TNS3: variants seen among roughly 807,000 people sequenced by gnomAD.
TNS3 encodes tensin 3.
A neutral mutation model predicts 140.9 loss-of-function variants in TNS3; 45 were observed. That is an observed-to-expected ratio of 0.32 (90% CI 0.25 to 0.41). The LOEUF (loss-of-function observed/expected upper bound fraction) is 0.41, where lower values mean the gene tolerates loss of function less well. Ranked by LOEUF, TNS3 falls within the 10% of genes least tolerant of loss-of-function variation. TNS3 has a pLI of 1.00. For missense variants in TNS3, 1,716 were observed against 1,906.7 expected, an observed-to-expected ratio of 0.90 and a Z score of 1.86; for synonymous variants, 815 against 788.4, an observed-to-expected ratio of 1.03 and a Z score of -0.56.
chr7:47,419,441 C>T (rs1794255998), intron 10 of TNS3, among the ~76,000 whole-genome samples: 1 of 152,208 alleles, frequency 6.6e-6, no homozygotes, highest in Admixed American at 6.5e-5. Flanking sequence ...GTAACCAACC[C>T]CCATCTTGCC....
intron 8 of TNS3, 152 bp from the exon 9 acceptor site, chr7:47,428,528 T>A: frequency 2.0e-6 from 1 of 502,008 alleles, no homozygotes; most frequent in Non-Finnish European, 3.2e-6. Flanking sequence ...TCTGGGAAAG[T>A]CAGTACCCAG....
At chr7:47,469,437 T>G (rs922963592) in intron 4 of TNS3, among the ~76,000 whole-genome samples, 6 of 152,192 alleles carry the variant, frequency 3.9e-5, no homozygotes, top group African/African-American at 1.4e-4. Flanking sequence ...AAGGAATGCT[T>G]GTACACTGCT....
At chr7:47,316,145 T>C (rs1482354907) in intron 20 of TNS3, among the ~76,000 whole-genome samples, 1 of 140,066 alleles carries the variant, frequency 7.1e-6, no homozygotes, top group Non-Finnish European at 1.5e-5. Flanking sequence ...TCTCTCTCTC[T>C]CCATTCTTTC....
chr7:47,352,084 C>T (rs1005662867), intron 17 of TNS3, among the ~76,000 whole-genome samples: 1 of 138,052 alleles, frequency 7.2e-6, no homozygotes, highest in Non-Finnish European at 1.6e-5. Flanking sequence ...CTTACACCCA[C>T]GTCACACACA....
chr7:47,293,638 A>G (rs1785836519), intron 25 of TNS3, 95 bp downstream of exon 25: 2 of 1,068,548 alleles, frequency 1.9e-6, no homozygotes, highest in Admixed American at 1.7e-5. Flanking sequence ...GTAAACCACC[A>G]TAAGAGTGAT....
At chr7:47,392,165 G>A (rs1792557945) in intron 16 of TNS3, among the ~76,000 whole-genome samples, 1 of 151,682 alleles carries the variant, frequency 6.6e-6, no homozygotes, top group Admixed American at 6.6e-5. Context: ...CTACCCCAGG[G>A]AACACTGACA....
At chr7:47,509,457 G>T (rs1045178516) in intron 2 of TNS3, among the ~76,000 whole-genome samples, 1 of 152,142 alleles carries the variant, frequency 6.6e-6, no homozygotes, top group Non-Finnish European at 1.5e-5. Flanking sequence ...CAGTGTACAA[G>T]ATACTTTCCC....
At chr7:47,392,099 G>A (rs938498528) in intron 16 of TNS3, among the ~76,000 whole-genome samples, 9 of 152,142 alleles carry the variant, frequency 5.9e-5, no homozygotes, top group Non-Finnish European at 1.3e-4. Flanking sequence ...GAGGCTTCCG[G>A]CAGGCAGCCA....
chr7:47,431,714 T>TA (rs1794940436), intron 8 of TNS3, among the ~76,000 whole-genome samples: 1 of 152,046 alleles, frequency 6.6e-6, no homozygotes, highest in African/African-American at 2.4e-5. Flanking sequence ...AAGGAGAGAC[T>TA]AGAAAAACAA....
In TNS3 at chr7:47,381,417, C is replaced by T. The variant is rs527341415; in HGVS notation, c.1025-11796G>A. ...TTCATCTCAGCCTCATTACATTCAA[C>T]GTAGGTGGGCTTCAGACAGTGGCTT... On this transcript the variant is annotated intron_variant, in intron 16 of 30. Coordinates refer to ENST00000311160, the MANE Select transcript of TNS3 (RefSeq NM_022748.12). Among the ~76,000 whole-genome samples the T allele has an allele frequency of 9.8e-5, 15 of 152,310 alleles. No homozygotes were observed. In the South Asian group the frequency reaches 2.1e-3, roughly 21 times the overall value.
chr7:47,425,676 T>C (rs555362158), intron 9 of TNS3, among the ~76,000 whole-genome samples: 17 of 152,278 alleles, frequency 1.1e-4, no homozygotes, highest in African/African-American at 4.1e-4. Flanking sequence ...TTTTCTGAAA[T>C]TTACTTGTTT....
chr7:47,479,993 G>A (rs1414100560), intron 4 of TNS3, among the ~76,000 whole-genome samples: 1 of 152,236 alleles, frequency 6.6e-6, no homozygotes, highest in Non-Finnish European at 1.5e-5. Context: ...ATGGGCAGGG[G>A]GCAAGGGCAA....
At chr7:47,340,739 C>T (rs907185341) in intron 20 of TNS3, among the ~76,000 whole-genome samples, 2 of 152,028 alleles carry the variant, frequency 1.3e-5, no homozygotes, top group Non-Finnish European at 2.9e-5. Context: ...GGGCTTTCTA[C>T]GTAGATGATC....
intron 17 of TNS3, among the ~76,000 whole-genome samples, chr7:47,351,012 G>A (rs1789637486): frequency 6.6e-6 from 1 of 152,104 alleles, no homozygotes; most frequent in Non-Finnish European, 1.5e-5. Context: ...GTAATTCTAG[G>A]CACCATTCAT....
In TNS3 at chr7:47,331,405, C is replaced by G. The variant is rs561938861; in HGVS notation, c.2650+13350G>C. On this transcript the variant is annotated intron_variant, in intron 20 of 30. Coordinates refer to ENST00000311160, the MANE Select transcript of TNS3 (RefSeq NM_022748.12). Reference sequence around the variant, plus strand: ...GACTCAAGTGGAGTGCTCACTTGGGCATTGCGGAGAAGGAATTAAAAACAA... The same window carrying G: ...GACTCAAGTGGAGTGCTCACTTGGGGATTGCGGAGAAGGAATTAAAAACAA... 4.6e-5 allele frequency among the ~76,000 whole-genome samples: 7 copies of G among 152,170 alleles called. No individual in the cohort carries two copies. In the East Asian group the frequency reaches 1.2e-3, roughly 25 times the overall value.
chr7:47,418,440 T>G (rs755058393), intron 10 of TNS3, among the ~76,000 whole-genome samples: 39 of 152,344 alleles, frequency 2.6e-4, no homozygotes, highest in Non-Finnish European at 3.7e-4. Context: ...TAGATATAAA[T>G]GAATCAATTG....
intron 12 of TNS3, among the ~76,000 whole-genome samples, chr7:47,412,035 A>G (rs537003111): frequency 6.6e-6 from 1 of 152,286 alleles, no homozygotes; most frequent in East Asian, 1.9e-4. Context: ...TGAAGTGACT[A>G]AGGTCCAACT....
chr7:47,376,965 T>A (rs1308237964), intron 16 of TNS3, among the ~76,000 whole-genome samples: 2 of 152,140 alleles, frequency 1.3e-5, no homozygotes, highest in African/African-American at 4.8e-5. Context: ...CATGGAGTCT[T>A]CAGTTCTCCC....
intron 4 of TNS3, among the ~76,000 whole-genome samples, chr7:47,474,117 AAC>A (rs35049083): frequency 0.27 from 39,820 of 145,278 alleles, 5,557 homozygotes; most frequent in Non-Finnish European, 0.33. Flanking sequence ...AGCAAGTCTC[AAC>A]ACACACACAC....
Sources: gnomAD v4.1 joint callset for allele counts (sites outside exome capture counted in the v4.1 genomes callset) on GRCh38, gnomAD v4.1.1 for gene constraint, MANE v1.5 for transcripts, NCBI Gene and HGNC (gene_info 2026-07-23, HGNC 2026-07-21) for gene names.